The following UBXN4 variants were observed in gnomAD, a reference collection of about 807,000 sequenced individuals.
UBXN4 encodes the protein UBX domain-containing protein 4.
A neutral mutation model predicts 66.2 loss-of-function variants in UBXN4; 35 were observed. The ratio of observed to expected loss-of-function variants is 0.53; its 90% confidence interval spans 0.40 to 0.70. The LOEUF (loss-of-function observed/expected upper bound fraction) is 0.70, where lower values mean the gene tolerates loss of function less well. Among genes scored for constraint, UBXN4 ranks in the 30% least tolerant of loss-of-function variants. The pLI, the probability that UBXN4 is intolerant of heterozygous loss-of-function variation, is 0.00. For synonymous variants in UBXN4, 203 were observed against 204.5 expected, an observed-to-expected ratio of 0.99 and a Z score of 0.06; for missense variants, 533 against 599.8, an observed-to-expected ratio of 0.89 and a Z score of 1.16.
intron 3 of UBXN4, 123 bp downstream of exon 3, chr2:135,753,690 C>A: frequency 2.3e-6 from 2 of 860,838 alleles, no homozygotes; most frequent in Non-Finnish European, 3.4e-6. Flanking sequence ...TTTATGGAAA[C>A]TTTATTACTA....
intron 6 of UBXN4, among the ~76,000 whole-genome samples, chr2:135,767,225 G>A (rs2077354649): frequency 6.6e-6 from 1 of 152,152 alleles, no homozygotes; most frequent in South Asian, 2.1e-4. Context: ...GCTGGGCGTG[G>A]GGGTGTGCAT....
chr2:135,771,682 G>C (rs182244063), intron 8 of UBXN4, among the ~76,000 whole-genome samples: 1 of 152,208 alleles, frequency 6.6e-6, no homozygotes, highest in African/African-American at 2.4e-5. Context: ...CCTGTCCCAG[G>C]CTGCCAAGTA....
chr2:135,768,052 T>G (rs757063074), intron 6 of UBXN4, among the ~76,000 whole-genome samples: 33 of 152,286 alleles, frequency 2.2e-4, no homozygotes, highest in African/African-American at 7.9e-4. Flanking sequence ...CAAACACTTT[T>G]AGAGAAAATA....
In UBXN4 at chr2:135,761,868, T is replaced by C. The variant is rs1235555971; in HGVS notation, c.559T>C (p.Ser187Pro). Residue 187 changes from serine to proline, a missense_variant, in exon 6 of 13, where the codon TCA becomes CCA. By Grantham distance (74) the Ser-to-Pro change is moderately conservative. This residue lies in a region of UBXN4 where 529 missense variants were observed against 580.1 expected (regional missense o/e 0.91). Transcript: ENST00000272638. The part of the protein sequence containing the change: ...ATSSQEPSGC[S>P]DQRPAEDLNI... The stretch of plus-strand genomic sequence containing the variant: ...TTCCTCTCAGGAGCCTAGTGGATGC[T>C]CAGATCAGAGACCTGCAGAGGACCT... The C allele has an allele frequency of 1.2e-6, 2 of 1,613,806 alleles. No homozygotes were observed. Among genetic ancestry groups the C allele is most frequent in the Admixed American group, 1.7e-5 (1 of 59,942 alleles).
rs2077377331 is a variant in UBXN4, at chr2:135,770,499, T to C, written c.658-72T>C. 6 of 1,073,330 alleles carry C rather than the reference T, an allele frequency of 5.6e-6. No individual in the cohort carries two copies. The South Asian group carries it at 1.3e-4, about 23-fold the overall frequency. The allele number at this position is 1,073,330 out of a possible 1,614,324, so 66.5% of individuals were successfully genotyped here. A position where few individuals can be genotyped will look rare whatever the true frequency, so the allele number is the denominator to read the frequency against. On this transcript the variant is annotated intron_variant, in intron 7 of 12. Transcript: ENST00000272638. ...AGTTTTATTCTTTTAACTGCAGTTT[T>C]CGTTGCATTCAAAATAATATCTGGG...
chr2:135,741,917 C>G lies in UBXN4; in HGVS notation c.-13C>G, dbSNP rs1280990642. 5.6e-6 allele frequency: 9 copies of G among 1,609,860 alleles called. No individual in the cohort carries two copies. Among genetic ancestry groups the G allele is most frequent in the South Asian group, 1.1e-5 (1 of 90,372 alleles). ...ACTACACACCGAGCGAGCGCCTGGG[C>G]CCGAAGGGAGCGATGCTGTGGTTCC... On this transcript the variant is annotated 5_prime_UTR_variant, in exon 1 of 13. Transcript: ENST00000272638.
Position 135,783,398 on chromosome 2 carries a change from T to C in UBXN4, c.*511T>C, listed in dbSNP as rs1293796785. 6.6e-6 allele frequency: 1 copy of C among 152,268 alleles called. No homozygotes were observed. Among genetic ancestry groups the C allele is most frequent in the Non-Finnish European group, 1.5e-5 (1 of 68,088 alleles). 9.4% of individuals were successfully genotyped at this position (152,268 alleles called of 1,614,324 possible). A position where few individuals can be genotyped will look rare whatever the true frequency, so the allele number is the denominator to read the frequency against. ...TCTTAAACACTGAATAAAAAAACTTTCCCCTAAATTGGAATGATCTTAGTT... is the reference window on the plus strand; with the variant it reads ...TCTTAAACACTGAATAAAAAAACTTCCCCCTAAATTGGAATGATCTTAGTT... On this transcript the variant is annotated 3_prime_UTR_variant, in exon 13 of 13. Coordinates refer to ENST00000272638, the MANE Select transcript of UBXN4 (RefSeq NM_014607.4).
At chr2:135,747,732 G>C (rs760546801) in intron 1 of UBXN4, 10 of 455,452 alleles carry the variant, frequency 2.2e-5, no homozygotes, top group African/African-American at 6.0e-5. Flanking sequence ...CCTTCCGAGT[G>C]CAAGCAATTC....
chr2:135,770,040 T>C (rs2077373804), intron 7 of UBXN4, among the ~76,000 whole-genome samples: 1 of 152,212 alleles, frequency 6.6e-6, no homozygotes, highest in Non-Finnish European at 1.5e-5. Context: ...CCATGCTTTT[T>C]CCCTCTGCAA....
At position 135,782,412 on chromosome 2, in the gene UBXN4, G is replaced by C. The variant is rs2077455717; in HGVS notation, c.1389-337G>C. On this transcript the variant is annotated intron_variant, in intron 12 of 12. Transcript: ENST00000272638. ...GTGCTAAGTTACAAATGTTTTAGTA[G>C]ATAATGTCGGCTTGCATAAATAACA... Among the ~76,000 whole-genome samples, 3 of 152,222 alleles carry C rather than the reference G, an allele frequency of 2.0e-5. No individual in the cohort carries two copies. In the South Asian group the frequency reaches 6.2e-4, roughly 31 times the overall value.
rs1396495959 is a variant in UBXN4, at chr2:135,741,905, C to T, written c.-25C>T. The T allele has an allele frequency of 1.7e-5, 28 of 1,603,496 alleles. No homozygotes were observed. Among genetic ancestry groups the T allele is most frequent in the Non-Finnish European group, 2.2e-5 (26 of 1,175,458 alleles). On this transcript the variant is annotated 5_prime_UTR_variant, in exon 1 of 13. Coordinates refer to ENST00000272638, the MANE Select transcript of UBXN4 (RefSeq NM_014607.4). ...GGGACTGCGGAGACTACACACCGAG[C>T]GAGCGCCTGGGCCCGAAGGGAGCGA...
chr2:135,770,863 T>TTATTAGAAA, intron 8 of UBXN4, 128 bp downstream of exon 8: 1 of 912,778 alleles, frequency 1.1e-6, no homozygotes, highest in Non-Finnish European at 1.5e-6. Context: ...GAGCTTCCTT[T>TTATTAGAAA]TATTAGAAAT....
chr2:135,742,036 G>A (rs1239428674), intron 1 of UBXN4, 25 bp downstream of exon 1: 7 of 1,609,722 alleles, frequency 4.3e-6, no homozygotes, highest in Non-Finnish European at 5.9e-6. Context: ...GGTTCGAGAG[G>A]CGGCCGGGAC....
intron 2 of UBXN4, among the ~76,000 whole-genome samples, chr2:135,753,180 T>A (rs1387524690): frequency 2.0e-5 from 3 of 151,634 alleles, no homozygotes; most frequent in Non-Finnish European, 4.4e-5. Flanking sequence ...CTTGCCACAA[T>A]GCCCAGCTAA....
intron 6 of UBXN4, among the ~76,000 whole-genome samples, chr2:135,767,053 T>G (rs2077352479): frequency 1.3e-5 from 2 of 151,498 alleles, no homozygotes; most frequent in Admixed American, 6.6e-5. Context: ...AGCACCCAGA[T>G]GAAGGAATAG....
chr2:135,775,761 A>G (rs547275017), intron 9 of UBXN4, among the ~76,000 whole-genome samples: 22 of 152,168 alleles, frequency 1.4e-4, no homozygotes, highest in African/African-American at 4.3e-4. Flanking sequence ...TGTACACTTT[A>G]AAAGGCTTAA....
At chr2:135,762,648 TC>T (rs11334664) in intron 6 of UBXN4, among the ~76,000 whole-genome samples, 4,830 of 152,274 alleles carry the variant, frequency 0.032, 236 homozygotes, top group African/African-American at 0.11. Flanking sequence ...TCAGTAAAGA[TC>T]AGCTTCTTTT....
chr2:135,741,941 C>T lies in UBXN4; in HGVS notation c.12C>T (p.Phe4=), dbSNP rs1267040380. The T allele has an allele frequency of 6.2e-7, 1 of 1,612,926 alleles. No individual in the cohort carries two copies. Among genetic ancestry groups the T allele is most frequent in the East Asian group, 2.2e-5 (1 of 44,842 alleles). Reference sequence around the variant, plus strand: ...GCCCGAAGGGAGCGATGCTGTGGTTCCAGGGCGCCATTCCGGCCGCCATCG... The same window carrying T: ...GCCCGAAGGGAGCGATGCTGTGGTTTCAGGGCGCCATTCCGGCCGCCATCG... MLW[F]QGAIPAAIAT... Residue 4 remains phenylalanine (F), a synonymous_variant, in exon 1 of 13, where the codon TTC becomes TTT. Coordinates refer to ENST00000272638, the MANE Select transcript of UBXN4 (RefSeq NM_014607.4).
chr2:135,746,145 C>T (rs1483465820), intron 1 of UBXN4, among the ~76,000 whole-genome samples: 1 of 151,988 alleles, frequency 6.6e-6, no homozygotes, highest in African/African-American at 2.4e-5. Context: ...CAAAGTGAGC[C>T]ACCGTGCCCG....
Sources: allele counts gnomAD v4.1 joint callset (sites outside exome capture counted in the v4.1 genomes callset), GRCh38; gene constraint gnomAD v4.1.1; regional missense constraint gnomAD v4.1.1; transcripts MANE v1.5; gene names NCBI Gene and HGNC (gene_info 2026-07-23, HGNC 2026-07-21).